DYNLT2B: variants seen among roughly 807,000 people sequenced by gnomAD.
DYNLT2B encodes the protein dynein light chain Tctex-type 2B, also known as dynein light chain Tctex-type protein 2B.
In DYNLT2B, 14 loss-of-function variants were observed where a neutral mutation model predicts 19.5. The observed-to-expected ratio is 0.72, with a 90% CI of 0.47 to 1.12. DYNLT2B has a LOEUF of 1.12. Among genes scored for constraint, DYNLT2B ranks in the 50% most tolerant of loss-of-function variants. The pLI, the probability that DYNLT2B is intolerant of heterozygous loss-of-function variation, is 0.00. For missense variants in DYNLT2B, 133 were observed against 174.7 expected (o/e 0.76, Z 1.35); for synonymous variants, 70 against 59.7 (o/e 1.17, Z -0.79).
chr3:196,302,093 C>T (rs2108792846), intron 3 of DYNLT2B, among the ~76,000 whole-genome samples: 1 of 151,748 alleles, frequency 6.6e-6, no homozygotes, highest in South Asian at 2.1e-4. Flanking sequence ...GGTGACAGAG[C>T]GAGACTCCGT....
intron 3 of DYNLT2B, among the ~76,000 whole-genome samples, chr3:196,299,697 T>C (rs867262261): frequency 1.3e-5 from 2 of 151,814 alleles, no homozygotes; most frequent in Non-Finnish European, 2.9e-5. Context: ...TTTGGGAGGC[T>C]GAGGCAGGCG....
rs999984940 is a variant in DYNLT2B at position 196,301,024 on chromosome 3, A to G, written c.318-4955T>C. On this transcript the variant is annotated intron_variant, in intron 3 of 4. Transcript: ENST00000325318. The stretch of plus-strand genomic sequence containing the variant: ...CAGTGAGCTGAGATCGCACCACTGC[A>G]CTCCAGCCTGGGCAACAGAGTTGAG... 3.3e-5 allele frequency among the ~76,000 whole-genome samples: 5 copies of G among 152,102 alleles called. No individual in the cohort carries two copies. The East Asian group carries it at 9.7e-4, about 29-fold the overall frequency.
intron 2 of DYNLT2B, among the ~76,000 whole-genome samples, chr3:196,307,334 C>T (rs1181364311): frequency 6.6e-6 from 1 of 152,134 alleles, no homozygotes; most frequent in Non-Finnish European, 1.5e-5. Flanking sequence ...TGGATTCTCA[C>T]TCTGTTGCCC....
chr3:196,294,895 C>T (rs1277489342), intron 4 of DYNLT2B, among the ~76,000 whole-genome samples: 4 of 151,852 alleles, frequency 2.6e-5, no homozygotes, highest in Non-Finnish European at 5.9e-5. Flanking sequence ...CCACCACACC[C>T]GGCTAATTTT....
intron 2 of DYNLT2B, among the ~76,000 whole-genome samples, chr3:196,313,392 T>G (rs1239348080): frequency 6.6e-6 from 1 of 151,862 alleles, no homozygotes; most frequent in Non-Finnish European, 1.5e-5. Context: ...GACAGGGTTT[T>G]GCCATGTTGG....
At chr3:196,296,589 AT>A (rs1256114195) in intron 3 of DYNLT2B, among the ~76,000 whole-genome samples, 2 of 152,214 alleles carry the variant, frequency 1.3e-5, no homozygotes, top group Non-Finnish European at 2.9e-5. Flanking sequence ...TAAGAAAAAA[AT>A]ATTAGTCAAA....
chr3:196,300,628 C>T (rs1452499898), intron 3 of DYNLT2B, among the ~76,000 whole-genome samples: 1 of 148,902 alleles, frequency 6.7e-6, no homozygotes, highest in Non-Finnish European at 1.5e-5. Context: ...ACTCAGGAGG[C>T]TGAGGCAGGA....
At chr3:196,314,243 C>T (rs1047489238) in intron 2 of DYNLT2B, among the ~76,000 whole-genome samples, 1 of 152,000 alleles carries the variant, frequency 6.6e-6, no homozygotes, top group Non-Finnish European at 1.5e-5. Flanking sequence ...CGGTGGCTCA[C>T]ATCTGTAATC....
At chr3:196,303,794 G>A (rs1483635833) in intron 3 of DYNLT2B, among the ~76,000 whole-genome samples, 3 of 152,154 alleles carry the variant, frequency 2.0e-5, no homozygotes, top group Non-Finnish European at 4.4e-5. Flanking sequence ...TCAGAACAAA[G>A]CTTTATTTGA....
intron 3 of DYNLT2B, among the ~76,000 whole-genome samples, chr3:196,303,990 TC>T (rs2108793533): frequency 6.6e-6 from 1 of 152,322 alleles, no homozygotes; most frequent in African/African-American, 2.4e-5. Context: ...ACCACTGCAC[TC>T]CAGCGTGGGC....
At chr3:196,298,458 C>T (rs1726274388) in intron 3 of DYNLT2B, among the ~76,000 whole-genome samples, 2 of 151,996 alleles carry the variant, frequency 1.3e-5, no homozygotes, top group South Asian at 2.1e-4. Context: ...GGACTACACA[C>T]GTGCATTACC....
intron 2 of DYNLT2B, among the ~76,000 whole-genome samples, chr3:196,314,684 C>T (rs996992231): frequency 5.3e-5 from 8 of 150,678 alleles, no homozygotes; most frequent in Admixed American, 1.3e-4. Context: ...TAGCCAAGCA[C>T]GGTGGCACAA....
intron 2 of DYNLT2B, among the ~76,000 whole-genome samples, chr3:196,313,729 C>A (rs1262396733): frequency 6.6e-6 from 1 of 152,028 alleles, no homozygotes; most frequent in Non-Finnish European, 1.5e-5. Flanking sequence ...TTTTTAATTT[C>A]TTAAACTAAA....
chr3:196,303,868 C>T (rs1049509739), intron 3 of DYNLT2B, among the ~76,000 whole-genome samples: 2 of 151,946 alleles, frequency 1.3e-5, no homozygotes, highest in African/African-American at 4.8e-5. Flanking sequence ...AGATGTTAAC[C>T]ATAGGGAGTC....
At chr3:196,306,747 G>A (rs1283392493) in intron 3 of DYNLT2B, among the ~76,000 whole-genome samples, 196 bp downstream of exon 3, 2 of 151,786 alleles carry the variant, frequency 1.3e-5, no homozygotes, top group Non-Finnish European at 2.9e-5. Context: ...CGCCATGTTG[G>A]CCAGGCTGGT....
intron 2 of DYNLT2B, among the ~76,000 whole-genome samples, chr3:196,312,528 G>A (rs774048854): frequency 2.0e-5 from 3 of 152,028 alleles, no homozygotes; most frequent in African/African-American, 2.4e-5. Flanking sequence ...GCACTATCTC[G>A]GCTCACTGCA....
chr3:196,317,194 G>C (rs536427521), intron 1 of DYNLT2B, among the ~76,000 whole-genome samples: 8 of 128,332 alleles, frequency 6.2e-5, no homozygotes, highest in Non-Finnish European at 1.1e-4. Flanking sequence ...GTGTGTGTGT[G>C]TGTAAAGTTA....
chr3:196,316,008 A>G (rs939462422), intron 2 of DYNLT2B, 90 bp downstream of exon 2: 17 of 1,436,088 alleles, frequency 1.2e-5, no homozygotes, highest in South Asian at 1.1e-4. Flanking sequence ...CCTGGCCCCA[A>G]TGTCCTTTGT....
chr3:196,316,914 G>GTGTTGTGTGGT (rs1267478485), intron 1 of DYNLT2B, among the ~76,000 whole-genome samples: 2 of 44,140 alleles, frequency 4.5e-5, no homozygotes, highest in South Asian at 1.2e-3. Flanking sequence ...TGTGTTGTGT[G>GTGTTGTGTGGT]GTGTGTGTGT....
Sources: allele counts gnomAD v4.1 joint callset (sites outside exome capture counted in the v4.1 genomes callset), GRCh38; gene constraint gnomAD v4.1.1; transcripts MANE v1.5; gene names NCBI Gene and HGNC (gene_info 2026-07-23, HGNC 2026-07-21).